The following CNTNAP2 variants were observed in gnomAD, a reference collection of about 807,000 sequenced individuals.
CNTNAP2 encodes the protein contactin-associated protein-like 2.
CNTNAP2 carries 98 observed loss-of-function variants against 155.2 expected under a neutral mutation model. The ratio of observed to expected loss-of-function variants is 0.63; its 90% confidence interval spans 0.54 to 0.75. The LOEUF (loss-of-function observed/expected upper bound fraction) is 0.75, where lower values mean the gene tolerates loss of function less well. CNTNAP2 is among the 30% of genes least tolerant of loss of function. The probability of loss-of-function intolerance (pLI) is 0.00; values close to 1 mark genes in which losing one functional copy is unlikely to be tolerated. For synonymous variants in CNTNAP2, 651 were observed against 631.2 expected, an observed-to-expected ratio of 1.03 and a Z score of -0.47; for missense variants, 1,727 against 1,688.1, an observed-to-expected ratio of 1.02 and a Z score of -0.40.
intron 10 of CNTNAP2, among the ~76,000 whole-genome samples, chr7:147,460,927 C>T (rs1031926208): frequency 3.3e-5 from 5 of 151,994 alleles, no homozygotes; most frequent in African/African-American, 9.7e-5. Flanking sequence ...ATTGTTTGGC[C>T]GAATACATTG....
In CNTNAP2 at chr7:147,862,059, T is replaced by C. The variant is rs796692066; in HGVS notation, c.2099-41506T>C. On this transcript the variant is annotated intron_variant, in intron 13 of 23. Coordinates refer to ENST00000361727, the MANE Select transcript of CNTNAP2 (RefSeq NM_014141.6). ...AAGGATAGGAGTTAGTTAGCCAATA[T>C]GGTATTTTGTGGTAATGCAGCTATA... is the stretch of plus-strand genomic sequence containing the variant. Among the ~76,000 whole-genome samples, 7 of 148,530 alleles carry C rather than the reference T, an allele frequency of 4.7e-5. 1 individual carries two copies. The highest frequency in any genetic ancestry group is 1.5e-4 in the African/African-American group (6 of 40,184).
At chr7:147,348,427 CA>C (rs1795914861) in intron 9 of CNTNAP2, among the ~76,000 whole-genome samples, 1 of 150,352 alleles carries the variant, frequency 6.7e-6, no homozygotes. Context: ...CAGGCAAATA[CA>C]AATCAAAAAT....
intron 8 of CNTNAP2, among the ~76,000 whole-genome samples, chr7:147,189,826 G>T (rs554072419): frequency 6.6e-6 from 1 of 152,082 alleles, no homozygotes; most frequent in Admixed American, 6.6e-5. Flanking sequence ...CTCACTGTAA[G>T]CTCCGCCCCC....
chr7:147,713,634 T>C (rs1028251944), intron 13 of CNTNAP2, among the ~76,000 whole-genome samples: 1 of 152,192 alleles, frequency 6.6e-6, no homozygotes, highest in African/African-American at 2.4e-5. Flanking sequence ...ACATACGTTT[T>C]CATTTCACTT....
intron 1 of CNTNAP2, among the ~76,000 whole-genome samples, chr7:146,304,360 A>G (rs1458998185): frequency 1.3e-5 from 2 of 151,986 alleles, no homozygotes; most frequent in African/African-American, 2.4e-5. Flanking sequence ...ATTTCTTCCT[A>G]GCATTGATGG....
intron 13 of CNTNAP2, among the ~76,000 whole-genome samples, chr7:147,850,232 G>T (rs1798906473): frequency 6.6e-6 from 1 of 152,140 alleles, no homozygotes; most frequent in Non-Finnish European, 1.5e-5. Context: ...CCTCTTCAAG[G>T]AGAACTACAA....
chr7:146,910,380 C>A (rs944264836), intron 3 of CNTNAP2, among the ~76,000 whole-genome samples: 2 of 149,340 alleles, frequency 1.3e-5, no homozygotes, highest in South Asian at 2.1e-4. Flanking sequence ...AAGCTGGAGG[C>A]ATCACACTAC....
chr7:148,202,435 T>C (rs1458285201), intron 18 of CNTNAP2, among the ~76,000 whole-genome samples: 1 of 152,196 alleles, frequency 6.6e-6, no homozygotes, highest in Non-Finnish European at 1.5e-5. Flanking sequence ...TGAGGTTGAT[T>C]TTATGTGTAC....
At chr7:147,210,451 A>G (rs1400816693) in intron 8 of CNTNAP2, among the ~76,000 whole-genome samples, 1 of 151,440 alleles carries the variant, frequency 6.6e-6, no homozygotes, top group Non-Finnish European at 1.5e-5. Context: ...CACCTTTGTC[A>G]TTTTTTAATA....
intron 2 of CNTNAP2, among the ~76,000 whole-genome samples, chr7:146,825,074 G>A (rs996170913): frequency 6.6e-6 from 1 of 150,804 alleles, no homozygotes; most frequent in Non-Finnish European, 1.5e-5. Context: ...TATCTGTCCT[G>A]TGTGTGTGTG....
At chr7:147,654,217 G>T (rs564150228) in intron 13 of CNTNAP2, among the ~76,000 whole-genome samples, 13 of 152,304 alleles carry the variant, frequency 8.5e-5, no homozygotes, top group South Asian at 2.1e-4. Context: ...CTAGACAAAT[G>T]TTCTCCAAAC....
At chr7:147,349,425 T>C (rs1268415187) in intron 9 of CNTNAP2, among the ~76,000 whole-genome samples, 1 of 151,904 alleles carries the variant, frequency 6.6e-6, no homozygotes. Context: ...TAAACAATAT[T>C]TTTCCTTGTG....
At chr7:146,348,411 G>C (rs983884973) in intron 1 of CNTNAP2, among the ~76,000 whole-genome samples, 2 of 152,018 alleles carry the variant, frequency 1.3e-5, no homozygotes, top group African/African-American at 4.8e-5. Flanking sequence ...GGCAATAAGA[G>C]CAAAACTCTG....
intron 1 of CNTNAP2, among the ~76,000 whole-genome samples, chr7:146,606,198 A>G (rs181923666): frequency 1.7e-3 from 256 of 152,278 alleles, no homozygotes; most frequent in Middle Eastern, 6.8e-3. Context: ...AATGAGTGTG[A>G]TATCAGAATA....
chr7:147,251,293 C>T (rs1804191891), intron 8 of CNTNAP2, among the ~76,000 whole-genome samples: 1 of 152,166 alleles, frequency 6.6e-6, no homozygotes, highest in South Asian at 2.1e-4. Flanking sequence ...CCTTGCAAGA[C>T]CCTGATGGAC....
At chr7:146,442,977 C>T (rs769661222) in intron 1 of CNTNAP2, among the ~76,000 whole-genome samples, 1 of 151,788 alleles carries the variant, frequency 6.6e-6, no homozygotes, top group Non-Finnish European at 1.5e-5. Context: ...GAGGCCGAGG[C>T]GGGCAGATCA....
intron 1 of CNTNAP2, among the ~76,000 whole-genome samples, chr7:146,625,454 A>T (rs2129157499): frequency 1.3e-5 from 2 of 152,154 alleles, no homozygotes; most frequent in African/African-American, 4.8e-5. Flanking sequence ...AATAATCAAA[A>T]TATCATATGT....
intron 1 of CNTNAP2, among the ~76,000 whole-genome samples, chr7:146,388,166 C>T (rs982939936): frequency 6.6e-6 from 1 of 151,234 alleles, no homozygotes; most frequent in African/African-American, 2.4e-5. Flanking sequence ...CATGAGGTCT[C>T]ACGTTGGTAA....
intron 8 of CNTNAP2, among the ~76,000 whole-genome samples, chr7:147,169,135 A>C: frequency 6.6e-6 from 1 of 152,304 alleles, no homozygotes; most frequent in Admixed American, 6.5e-5. Flanking sequence ...TCCAAACACT[A>C]CATTTTCCAT....
Sources: gnomAD v4.1 joint callset for allele counts (sites outside exome capture counted in the v4.1 genomes callset) on GRCh38, gnomAD v4.1.1 for gene constraint, MANE v1.5 for transcripts, NCBI Gene and HGNC (gene_info 2026-07-23, HGNC 2026-07-21) for gene names.